COL26A1: variants seen among roughly 807,000 people sequenced by gnomAD.
The protein encoded by COL26A1 is collagen alpha-1(XXVI) chain.
COL26A1 carries 41 observed loss-of-function variants against 59.3 expected under a neutral mutation model. The ratio of observed to expected loss-of-function variants is 0.69; its 90% CI spans 0.54 to 0.90. COL26A1 has a LOEUF of 0.90. COL26A1 is among the 40% of genes least tolerant of loss of function. COL26A1 has a pLI of 0.00. For missense variants in COL26A1, 612 were observed against 602.3 expected (o/e 1.02, Z -0.17); for synonymous variants, 266 against 256.0 (o/e 1.04, Z -0.37).
At chr7:101,520,540 A>C (rs1343638878) in intron 3 of COL26A1, among the ~76,000 whole-genome samples, 1 of 152,058 alleles carries the variant, frequency 6.6e-6, no homozygotes, top group African/African-American at 2.4e-5. Context: ...TTTAAAAATT[A>C]GCTGGGCATG....
chr7:101,429,523 T>C (rs1792726989), intron 2 of COL26A1, among the ~76,000 whole-genome samples: 1 of 151,902 alleles, frequency 6.6e-6, no homozygotes, highest in East Asian at 1.9e-4. Context: ...TATGGCTATA[T>C]AATAAGTTTT....
intron 3 of COL26A1, among the ~76,000 whole-genome samples, chr7:101,450,610 T>C (rs1793307514): frequency 6.6e-6 from 1 of 151,244 alleles, no homozygotes; most frequent in Admixed American, 6.6e-5. Context: ...AGATTAATTC[T>C]TTGTGTGTGT....
intron 4 of COL26A1, among the ~76,000 whole-genome samples, chr7:101,535,937 A>T (rs1257443099): frequency 6.6e-6 from 1 of 151,220 alleles, no homozygotes; most frequent in African/African-American, 2.4e-5. Context: ...GGGCTGGGAG[A>T]CTCCTATCTT....
At chr7:101,430,908 C>T (rs1013151590) in intron 2 of COL26A1, among the ~76,000 whole-genome samples, 2 of 152,054 alleles carry the variant, frequency 1.3e-5, no homozygotes, top group Admixed American at 1.3e-4. Flanking sequence ...ATTCTTCTGC[C>T]TCAGCCTCCC....
At chr7:101,420,763 C>T (rs905717616) in intron 2 of COL26A1, among the ~76,000 whole-genome samples, 2 of 147,988 alleles carry the variant, frequency 1.4e-5, no homozygotes, top group African/African-American at 5.0e-5. Context: ...CTCTCACCAG[C>T]CCCTCCCTCT....
intron 3 of COL26A1, among the ~76,000 whole-genome samples, chr7:101,525,331 G>A (rs1376663912): frequency 1.4e-5 from 2 of 145,524 alleles, no homozygotes; most frequent in African/African-American, 2.6e-5. Flanking sequence ...ACAGGCGTGT[G>A]CCGCCATGCC....
intron 1 of COL26A1, among the ~76,000 whole-genome samples, chr7:101,402,546 T>C (rs553877158): frequency 1.0e-3 from 153 of 151,744 alleles, no homozygotes; most frequent in African/African-American, 3.5e-3. Context: ...TTTTCTTCTT[T>C]CTTTCTCTTT....
chr7:101,362,993 C>G lies in COL26A1; in HGVS notation c.-40C>G. The G allele has an allele frequency of 2.0e-5, 31 of 1,542,904 alleles. No individual in the cohort carries two copies. Among genetic ancestry groups the G allele is most frequent in the Non-Finnish European group, 2.7e-5 (31 of 1,153,936 alleles). ...GCGCCGGTGCGCTCCTGCCGGTCCTCGTGCCCGGGACTCCGGGTCCCCGCG... is the reference window on the plus strand; with the variant it reads ...GCGCCGGTGCGCTCCTGCCGGTCCTGGTGCCCGGGACTCCGGGTCCCCGCG... On this transcript the variant is annotated 5_prime_UTR_variant, in exon 1 of 13. Coordinates refer to ENST00000313669, the MANE Select transcript of COL26A1 (RefSeq NM_001278563.3).
chr7:101,367,798 C>T (rs921614978), intron 1 of COL26A1, among the ~76,000 whole-genome samples: 1 of 152,194 alleles, frequency 6.6e-6, no homozygotes, highest in Non-Finnish European at 1.5e-5. Flanking sequence ...CTGAATCTGC[C>T]AGCACCTTGA....
chr7:101,389,379 T>A (rs1029824743), intron 1 of COL26A1, among the ~76,000 whole-genome samples: 4 of 10,456 alleles, frequency 3.8e-4, no homozygotes, highest in Non-Finnish European at 1.7e-3. Context: ...ATTTGCACAT[T>A]TTTTTTTTTT....
chr7:101,403,415 A>G (rs530000121), intron 1 of COL26A1, among the ~76,000 whole-genome samples: 54 of 152,226 alleles, frequency 3.5e-4, no homozygotes, highest in Non-Finnish European at 6.5e-4. Context: ...GTTAATTGGG[A>G]GGCTGAGGCA....
At chr7:101,507,429 G>A (rs1206169749) in intron 3 of COL26A1, among the ~76,000 whole-genome samples, 1 of 151,790 alleles carries the variant, frequency 6.6e-6, no homozygotes, top group African/African-American at 2.4e-5. Context: ...TTTGTTGGGT[G>A]GGGGGAGCAG....
chr7:101,544,615 C>T (rs1168731839), intron 6 of COL26A1, among the ~76,000 whole-genome samples: 2 of 151,488 alleles, frequency 1.3e-5, no homozygotes, highest in Admixed American at 1.3e-4. Context: ...TCACTGACAC[C>T]TCCACCTCCC....
At chr7:101,453,409 C>T (rs997009724) in intron 3 of COL26A1, among the ~76,000 whole-genome samples, 3 of 152,188 alleles carry the variant, frequency 2.0e-5, no homozygotes, top group African/African-American at 4.8e-5. Flanking sequence ...TATATGCAGT[C>T]TGTCGTTGAC....
intron 3 of COL26A1, among the ~76,000 whole-genome samples, chr7:101,490,409 G>A (rs138396167): frequency 1.4e-3 from 211 of 150,558 alleles, no homozygotes; most frequent in African/African-American, 4.7e-3. Context: ...CCATGATAAA[G>A]CAGAGAGGCA....
chr7:101,363,032 G>T lies in COL26A1; in HGVS notation c.-1G>T. 2 of 1,575,622 alleles carry T rather than the reference G, an allele frequency of 1.3e-6. No homozygotes were observed. The highest frequency in any genetic ancestry group is 2.3e-5 in the South Asian group (2 of 87,692). On this transcript the variant is annotated 5_prime_UTR_variant, in exon 1 of 13. Transcript: ENST00000313669. Reference sequence around the variant, plus strand: ...CGGGTCCCCGCGGGCTGCTGCGCACGATGAAGCTGGCCCTGCTCCTGCCCT... The same window carrying T: ...CGGGTCCCCGCGGGCTGCTGCGCACTATGAAGCTGGCCCTGCTCCTGCCCT...
intron 3 of COL26A1, among the ~76,000 whole-genome samples, chr7:101,480,704 T>G (rs780858828): frequency 6.6e-6 from 1 of 152,172 alleles, no homozygotes; most frequent in Non-Finnish European, 1.5e-5. Context: ...AGTTTTACCA[T>G]GTAGCCCAGG....
intron 3 of COL26A1, among the ~76,000 whole-genome samples, chr7:101,461,279 C>T (rs1271354421): frequency 6.6e-6 from 1 of 150,920 alleles, no homozygotes; most frequent in African/African-American, 2.5e-5. Flanking sequence ...GTGTGAGCCA[C>T]TGCACCTGCC....
At chr7:101,452,425 G>A (rs1232577877) in intron 3 of COL26A1, among the ~76,000 whole-genome samples, 1 of 152,144 alleles carries the variant, frequency 6.6e-6, no homozygotes, top group African/African-American at 2.4e-5. Flanking sequence ...TCAAGGGCTT[G>A]GCACTTCCCT....
Sources: allele counts gnomAD v4.1 joint callset (sites outside exome capture counted in the v4.1 genomes callset), GRCh38; gene constraint gnomAD v4.1.1; transcripts MANE v1.5; gene names NCBI Gene and HGNC (gene_info 2026-07-23, HGNC 2026-07-21).